The following NPC1 variants were observed in gnomAD, a reference collection of about 807,000 sequenced individuals.
The protein encoded by NPC1 is NPC intracellular cholesterol transporter 1, also known as Niemann-Pick C1 protein.
NPC1 carries 85 observed loss-of-function variants against 140.4 expected under a neutral mutation model. That is an observed-to-expected ratio of 0.61 (90% CI 0.51 to 0.72). The LOEUF is 0.72. Among genes scored for constraint, NPC1 ranks in the 30% least tolerant of loss-of-function variants. The pLI, the probability that NPC1 is intolerant of heterozygous loss-of-function variation, is 0.00. For missense variants in NPC1, 1,504 were observed against 1,623.8 expected, an observed-to-expected ratio of 0.93 and a Z score of 1.27; for synonymous variants, 656 against 624.8, an observed-to-expected ratio of 1.05 and a Z score of -0.74.
chr18:23,545,336 G>A (rs1358736495), intron 11 of NPC1, among the ~76,000 whole-genome samples, 187 bp from the exon 12 acceptor site: 20 of 152,090 alleles, frequency 1.3e-4, no homozygotes, highest in Admixed American at 9.8e-4. Context: ...TCCACCTCCC[G>A]GGTTTGAGTG....
chr18:23,514,172 A>C (rs1598861498), intron 3 of NPC1, among the ~76,000 whole-genome samples: 1 of 152,252 alleles, frequency 6.6e-6, no homozygotes, highest in Admixed American at 6.5e-5. Context: ...GAGAAAATAC[A>C]CCTGTGTGTT....
chr18:23,541,151 G>A lies in NPC1; in HGVS notation c.2431C>T (p.Gln811Ter). The A allele has an allele frequency of 6.2e-7, 1 of 1,614,128 alleles. No homozygotes were observed. Among genetic ancestry groups the A allele is most frequent in the Non-Finnish European group, 8.5e-7 (1 of 1,180,010 alleles). Residue 811 changes from glutamine to a stop codon, truncating the protein, a stop_gained, in exon 16 of 25, where the codon CAG becomes TAG. Transcript: ENST00000269228. LOFTEE classifies it high-confidence loss of function. ...CGAAACAAACAGCTCTCTGAGGCCT[G>A]GACGCTTGTTCCATCTTCAGCACCT... Reference protein sequence around the residue: ...VRGAEDGTSVQASESCLFRFF... With the variant: ...VRGAEDGTSV
intron 6 of NPC1, 45 bp downstream of exon 6, chr18:23,560,186 G>C: frequency 6.2e-7 from 1 of 1,612,854 alleles, no homozygotes; most frequent in Non-Finnish European, 8.5e-7. Flanking sequence ...GTGCCAGTGG[G>C]CAATTTTGCT....
At chr18:23,555,482 C>T (rs1205385734) in intron 8 of NPC1, among the ~76,000 whole-genome samples, 1 of 152,232 alleles carries the variant, frequency 6.6e-6, no homozygotes, top group Non-Finnish European at 1.5e-5. Flanking sequence ...GAAAAAGCAA[C>T]AGACAGTCAC....
chr18:23,529,664 G>A (rs766816904), downstream of NPC1: 7 of 1,614,128 alleles, frequency 4.3e-6, no homozygotes, highest in Non-Finnish European at 5.9e-6. Flanking sequence ...TGATAGCCGT[G>A]CTGATGGAAT....
chr18:23,539,599 G>A, intron 18 of NPC1, 129 bp from the exon 19 acceptor site: 1 of 796,254 alleles, frequency 1.3e-6, no homozygotes, highest in Non-Finnish European at 2.0e-6. Context: ...AAAACTACAT[G>A]AGCACTTAAT....
At chr18:23,535,853 C>T (rs1193400142) in intron 21 of NPC1, among the ~76,000 whole-genome samples, 153 bp from the exon 22 acceptor site, 2 of 152,134 alleles carry the variant, frequency 1.3e-5, no homozygotes, top group Non-Finnish European at 2.9e-5. Flanking sequence ...CCGAAAGCAA[C>T]TCACTTGACC....
At chr18:23,510,008 A>G (rs1176418723) in intron 3 of NPC1, among the ~76,000 whole-genome samples, 1 of 147,122 alleles carries the variant, frequency 6.8e-6, no homozygotes, top group African/African-American at 2.5e-5. Context: ...TTATAATTGC[A>G]AGTAATAAAT....
chr18:23,565,348 G>A (rs916401502), intron 4 of NPC1, among the ~76,000 whole-genome samples: 9 of 152,018 alleles, frequency 5.9e-5, no homozygotes, highest in Non-Finnish European at 1.0e-4. Flanking sequence ...ATGTTCTTTA[G>A]TGTGTTTTTT....
At chr18:23,516,412 A>T (rs780745817) in intron 3 of NPC1, 1 of 1,614,104 alleles carries the variant, frequency 6.2e-7, no homozygotes, top group South Asian at 1.1e-5. Context: ...GAGACATCGC[A>T]ATGGCTACCA....
chr18:23,529,813 C>T, downstream of NPC1: 2 of 1,229,380 alleles, frequency 1.6e-6, no homozygotes, highest in Non-Finnish European at 2.4e-6. Context: ...GACAGGTCTG[C>T]CTCCCTGACT....
At chr18:23,538,732 AT>A in intron 19 of NPC1, 61 bp from the exon 20 acceptor site, 1 of 1,562,076 alleles carries the variant, frequency 6.4e-7, no homozygotes. Flanking sequence ...TTTGTAAAAC[AT>A]TTTAAAATAC....
In NPC1 at chr18:23,560,149, C is replaced by T. The variant is rs562046566; in HGVS notation, c.881+82G>A. On this transcript the variant is annotated intron_variant, in intron 6 of 24. Transcript: ENST00000269228. ...GGTATTTGTTTCTTGTCCTAAGTAA[C>T]CAAGCTCTGACAAATGAAAGCTCAA... 350 of 1,566,634 alleles carry T rather than the reference C, an allele frequency of 2.2e-4. 4 individuals carry two copies. The African/African-American group carries it at 3.8e-3, about 17-fold the overall frequency.
chr18:23,579,767 G>C (rs2059335415), intron 1 of NPC1, among the ~76,000 whole-genome samples: 2 of 152,054 alleles, frequency 1.3e-5, no homozygotes, highest in South Asian at 4.1e-4. Flanking sequence ...GCAGGTGCCT[G>C]TAGTCCCAGC....
rs540672313 is a variant in NPC1, at chr18:23,534,080, T to C, written c.3591+366A>G. 7.8e-4 allele frequency: 329 copies of C among 422,108 alleles called. 1 individual carries two copies. The highest frequency in any genetic ancestry group is 1.3e-3 in the Non-Finnish European group (303 of 226,416). The allele number at this position is 422,108 out of a possible 1,614,324, so 26.1% of individuals were successfully genotyped here. ...GGTATTTTCTACAGTGGTAAAGAGA[T>C]AGGCTAAGCCAGGGTGTAGAGTTGA... On this transcript the variant is annotated intron_variant, in intron 23 of 24. Transcript: ENST00000269228.
chr18:23,520,247 T>G, downstream of NPC1: 4 of 1,614,098 alleles, frequency 2.5e-6, no homozygotes, highest in Non-Finnish European at 3.4e-6. Context: ...GTTTGACGGC[T>G]CCGTTACCTT....
intron 3 of NPC1, chr18:23,507,103 T>C (rs776749710): frequency 1.5e-6 from 2 of 1,339,924 alleles, no homozygotes; most frequent in Non-Finnish European, 2.1e-6. Context: ...AGAAATACAT[T>C]TGGAAGAGAA....
rs147281003 is a variant in NPC1 at position 23,545,070 on chromosome 18, G to A, written c.1837C>T (p.Leu613=). 1.5e-5 allele frequency: 24 copies of A among 1,611,620 alleles called. No homozygotes were observed. The African/African-American group carries it at 2.7e-4, about 18-fold the overall frequency. ...FTAERSIEDE[L]NRESDSDVFT... Reference sequence around the variant, plus strand: ...ACATCACTGTCACTTTCACGATTTAGTTCATCTTCAATACTTCGTTCAGCA... The same window carrying A: ...ACATCACTGTCACTTTCACGATTTAATTCATCTTCAATACTTCGTTCAGCA... The change falls in exon 12 of 25, where the codon CTA becomes TTA. Residue 613 remains leucine, a synonymous_variant. Coordinates refer to ENST00000269228, the MANE Select transcript of NPC1 (RefSeq NM_000271.5).
intron 1 of NPC1, 115 bp downstream of exon 1, chr18:23,586,172 G>T (rs1042399535): frequency 1.7e-6 from 2 of 1,155,280 alleles, no homozygotes; most frequent in Non-Finnish European, 2.4e-6. Context: ...GCTCTCCATC[G>T]CCAGACCAAC....
Sources: gnomAD v4.1 joint callset for allele counts (sites outside exome capture counted in the v4.1 genomes callset) on GRCh38, gnomAD v4.1.1 for gene constraint, MANE v1.5 for transcripts, NCBI Gene and HGNC (gene_info 2026-07-23, HGNC 2026-07-21) for gene names.